SEMA3C: variants seen among roughly 807,000 people sequenced by gnomAD.
SEMA3C encodes the protein semaphorin-3C.
Under a neutral mutation model 89.4 loss-of-function variants are expected in SEMA3C, and 47 were observed. That is an observed-to-expected ratio of 0.53 (90% CI 0.42 to 0.67). The LOEUF (loss-of-function observed/expected upper bound fraction) is 0.67, where lower values mean the gene tolerates loss of function less well. Ranked by LOEUF, SEMA3C falls within the 30% of genes least tolerant of loss-of-function variation. The pLI is 0.00. For missense variants in SEMA3C, 839 were observed against 929.1 expected (o/e 0.90, Z 1.26); for synonymous variants, 310 against 320.2 (o/e 0.97, Z 0.34).
intron 2 of SEMA3C, among the ~76,000 whole-genome samples, chr7:80,902,200 ACCTTGGC>A (rs1196876429): frequency 2.6e-5 from 4 of 152,158 alleles, no homozygotes; most frequent in Admixed American, 1.3e-4. Context: ...CTATCTGCCC[ACCTTGGC>A]CTCTCAAAAG....
chr7:80,908,943 A>C (rs1174419026), intron 2 of SEMA3C, among the ~76,000 whole-genome samples: 1 of 152,220 alleles, frequency 6.6e-6, no homozygotes, highest in Non-Finnish European at 1.5e-5. Context: ...TAATGCATTT[A>C]AAATGATACC....
upstream of SEMA3C, among the ~76,000 whole-genome samples, chr7:80,921,277 A>G (rs1792404071): frequency 6.6e-6 from 1 of 152,126 alleles, no homozygotes; most frequent in Admixed American, 6.5e-5. Flanking sequence ...ATTTAATGGT[A>G]TTTGCTTAGC....
At chr7:80,746,718 G>GTGTGTGTGT (rs1554357891) in intron 17 of SEMA3C, among the ~76,000 whole-genome samples, 11 of 142,930 alleles carry the variant, frequency 7.7e-5, no homozygotes, top group Admixed American at 1.4e-4. Context: ...ATTGAAGTGG[G>GTGTGTGTGT]GTGTGTGTGT....
In SEMA3C at chr7:80,912,770, T is replaced by A. The variant is rs111472402; in HGVS notation, c.103+3909A>T. On this transcript the variant is annotated intron_variant, in intron 2 of 17. Transcript: ENST00000265361. ...CACCCAGAGTAAGCATCTTCCAAGA[T>A]TAACGGAGAAATCAAGAACAACTGC... Among the ~76,000 whole-genome samples, 1,006 of 152,230 alleles carry A rather than the reference T, an allele frequency of 6.6e-3. 14 individuals are homozygous for A. The highest frequency in any genetic ancestry group is 0.021 in the African/African-American group (878 of 41,528).
intron 2 of SEMA3C, among the ~76,000 whole-genome samples, chr7:80,886,208 T>A (rs975431563): frequency 4.5e-4 from 69 of 152,290 alleles, no homozygotes; most frequent in African/African-American, 1.5e-3. Context: ...TCTACCTTTT[T>A]TTTTTACTTT....
chr7:80,792,350 G>A (rs1337199074), intron 11 of SEMA3C, among the ~76,000 whole-genome samples: 1 of 152,196 alleles, frequency 6.6e-6, no homozygotes, highest in Non-Finnish European at 1.5e-5. Flanking sequence ...CAATGCATGG[G>A]TAATTTAAAT....
At chr7:80,770,369 T>C (rs570751638) in intron 12 of SEMA3C, among the ~76,000 whole-genome samples, 1 of 152,344 alleles carries the variant, frequency 6.6e-6, no homozygotes, top group South Asian at 2.1e-4. Flanking sequence ...TGGTATTCCC[T>C]GAATGTATTC....
intron 6 of SEMA3C, among the ~76,000 whole-genome samples, chr7:80,809,690 A>T (rs1435270587): frequency 6.6e-6 from 1 of 152,184 alleles, no homozygotes; most frequent in Non-Finnish European, 1.5e-5. Context: ...AAGCTAAGAC[A>T]TGGAAGCAAC....
chr7:80,837,270 T>C (rs67534579), intron 2 of SEMA3C, among the ~76,000 whole-genome samples: 30,895 of 152,164 alleles, frequency 0.2, 3,248 homozygotes, highest in African/African-American at 0.22. Context: ...CTAAGTTTTC[T>C]GGGATTTGAC....
intron 2 of SEMA3C, among the ~76,000 whole-genome samples, chr7:80,894,488 A>C (rs1259053326): frequency 6.6e-6 from 1 of 152,156 alleles, no homozygotes; most frequent in Non-Finnish European, 1.5e-5. Context: ...TCTACAAAAA[A>C]ATTTTTTTAA....
rs115869645 is a variant in SEMA3C, at chr7:80,776,075, G to A, written c.1355-10832C>T. The stretch of plus-strand genomic sequence containing the variant: ...TACTAAATCAGGATACCACTATGAC[G>A]TCTGCCCAAAAGCAGTTATGTTAGA... On this transcript the variant is annotated intron_variant, in intron 12 of 17. Transcript: ENST00000265361. 5.4e-3 allele frequency among the ~76,000 whole-genome samples: 826 copies of A among 151,978 alleles called. 6 individuals are homozygous for A. Among genetic ancestry groups the A allele is most frequent in the African/African-American group, 0.018 (744 of 41,482 alleles).
intron 2 of SEMA3C, among the ~76,000 whole-genome samples, chr7:80,908,961 C>CA (rs1468862996): frequency 6.6e-6 from 1 of 151,984 alleles, no homozygotes; most frequent in Non-Finnish European, 1.5e-5. Context: ...ACCAGGAATA[C>CA]AACAGCTTTT....
intron 12 of SEMA3C, among the ~76,000 whole-genome samples, chr7:80,779,948 A>G (rs1788655232): frequency 6.6e-6 from 1 of 152,170 alleles, no homozygotes; most frequent in African/African-American, 2.4e-5. Context: ...TACTTCTGCA[A>G]AAGCAAGGAA....
At chr7:80,820,014 T>C (rs1454192779) in intron 4 of SEMA3C, among the ~76,000 whole-genome samples, 1 of 151,184 alleles carries the variant, frequency 6.6e-6, no homozygotes, top group Non-Finnish European at 1.5e-5. Flanking sequence ...GGTCAGAAAA[T>C]ATATGTTGCT....
intron 5 of SEMA3C, among the ~76,000 whole-genome samples, chr7:80,817,553 T>C (rs927570602): frequency 6.6e-6 from 1 of 152,144 alleles, no homozygotes; most frequent in Admixed American, 6.5e-5. Context: ...TCAACAGCTG[T>C]GGACTGGGAT....
intron 12 of SEMA3C, among the ~76,000 whole-genome samples, chr7:80,779,214 C>G (rs1416082190): frequency 6.6e-6 from 1 of 152,126 alleles, no homozygotes; most frequent in Non-Finnish European, 1.5e-5. Context: ...GTTTACACAA[C>G]TGTAAAATGG....
chr7:80,897,181 G>C (rs1791759026), intron 2 of SEMA3C, among the ~76,000 whole-genome samples: 1 of 152,132 alleles, frequency 6.6e-6, no homozygotes, highest in Non-Finnish European at 1.5e-5. Flanking sequence ...AAATAAACTA[G>C]AGCTAGACAA....
chr7:80,794,142 C>T (rs759832812), intron 11 of SEMA3C, among the ~76,000 whole-genome samples: 28 of 151,784 alleles, frequency 1.8e-4, no homozygotes, highest in Non-Finnish European at 2.1e-4. Context: ...CACAGAGCTT[C>T]GAAAAATCAC....
chr7:80,905,348 G>A (rs913588960), intron 2 of SEMA3C, among the ~76,000 whole-genome samples: 14 of 142,284 alleles, frequency 9.8e-5, no homozygotes, highest in African/African-American at 3.7e-4. Flanking sequence ...GAGAGAGAGA[G>A]AGAGAGACAC....
Sources: allele counts gnomAD v4.1 joint callset (sites outside exome capture counted in the v4.1 genomes callset), GRCh38; gene constraint gnomAD v4.1.1; transcripts MANE v1.5; gene names NCBI Gene and HGNC (gene_info 2026-07-23, HGNC 2026-07-21).